Variants in PPP3CC observed in about 807,000 individuals in gnomAD.
The protein encoded by PPP3CC is protein phosphatase 3 catalytic subunit gamma.
In PPP3CC, 35 loss-of-function variants were observed where a neutral mutation model predicts 60.3. The observed-to-expected ratio is 0.58, with a 90% CI of 0.44 to 0.77. The LOEUF (loss-of-function observed/expected upper bound fraction) is 0.77. Ranked by LOEUF, PPP3CC falls within the 30% of genes least tolerant of loss-of-function variation. The pLI is 0.00. For missense variants in PPP3CC, 570 were observed against 628.9 expected (o/e 0.91, Z 1.00); for synonymous variants, 206 against 224.3 (o/e 0.92, Z 0.73).
intron 1 of PPP3CC, among the ~76,000 whole-genome samples, chr8:22,444,896 A>G (rs186897019): frequency 2.6e-5 from 4 of 152,074 alleles, no homozygotes; most frequent in Middle Eastern, 3.4e-3. Context: ...GTTTAAGGAC[A>G]TGTTTTTTCT....
chr8:22,498,257 C>A, intron 4 of PPP3CC, 145 bp downstream of exon 4: 1 of 505,168 alleles, frequency 2.0e-6, no homozygotes, highest in African/African-American at 2.0e-5. Context: ...AACTAAGATT[C>A]TATCTTCTAA....
At chr8:22,512,977 G>T (rs1282096018) in intron 5 of PPP3CC, among the ~76,000 whole-genome samples, 1 of 151,944 alleles carries the variant, frequency 6.6e-6, no homozygotes, top group East Asian at 1.9e-4. Flanking sequence ...TAGGGAGGGT[G>T]AGGCAGGAGA....
Position 22,528,466 on chromosome 8 carries a change from C to T in PPP3CC, c.1070-40C>T, listed in dbSNP as rs28764004. 2.6e-3 allele frequency: 3,551 copies of T among 1,364,632 alleles called. 51 individuals are homozygous for T. The African/African-American group carries it at 0.037, about 14-fold the overall frequency. 84.5% of individuals were successfully genotyped at this position (1,364,632 alleles called of 1,614,324 possible). A position where few individuals can be genotyped will look rare whatever the true frequency, so the allele number is the denominator to read the frequency against. On this transcript the variant is annotated intron_variant, in intron 9 of 13. Transcript: ENST00000240139. ...CCACATTATTTTAGAGAAAGTACCT[C>T]ATTAATCGCGTAAATTTTGGATTAT...
At chr8:22,529,925 A>G (rs540912843) in intron 10 of PPP3CC, among the ~76,000 whole-genome samples, 2 of 152,278 alleles carry the variant, frequency 1.3e-5, no homozygotes, top group African/African-American at 2.4e-5. Flanking sequence ...TTGTCTGACA[A>G]TGCAAGAGAT....
At chr8:22,446,920 A>G (rs1836842366) in intron 1 of PPP3CC, among the ~76,000 whole-genome samples, 1 of 151,646 alleles carries the variant, frequency 6.6e-6, no homozygotes, top group Non-Finnish European at 1.5e-5. Context: ...GCTGCTACTT[A>G]ATTGCTAAAT....
intron 10 of PPP3CC, among the ~76,000 whole-genome samples, chr8:22,530,280 C>T (rs1315082760): frequency 6.6e-6 from 1 of 152,038 alleles, no homozygotes; most frequent in African/African-American, 2.4e-5. Flanking sequence ...CATGGTGAAA[C>T]CCCATCTCTA....
At chr8:22,511,444 A>AT (rs1397357879) in intron 5 of PPP3CC, among the ~76,000 whole-genome samples, 2 of 151,862 alleles carry the variant, frequency 1.3e-5, no homozygotes, top group African/African-American at 4.8e-5. Flanking sequence ...TAATTTTTGT[A>AT]TTTTTAGTAG....
At chr8:22,533,130 AC>A (rs1400046004) in intron 12 of PPP3CC, 112 bp downstream of exon 12, 34 of 713,310 alleles carry the variant, frequency 4.8e-5, no homozygotes, top group Non-Finnish European at 6.4e-5. Context: ...AGTTGGTTAT[AC>A]CATAAGCGGG....
intron 1 of PPP3CC, among the ~76,000 whole-genome samples, chr8:22,470,343 GT>G (rs1468380792): frequency 6.6e-6 from 1 of 151,894 alleles, no homozygotes; most frequent in Non-Finnish European, 1.5e-5. Context: ...ATAAGAAAAT[GT>G]TTAAATAAAT....
intron 4 of PPP3CC, among the ~76,000 whole-genome samples, chr8:22,502,813 TG>T (rs1356363555): frequency 6.6e-6 from 1 of 152,210 alleles, no homozygotes; most frequent in Non-Finnish European, 1.5e-5. Flanking sequence ...AAATATATAA[TG>T]TACAGAAGAA....
intron 1 of PPP3CC, among the ~76,000 whole-genome samples, chr8:22,460,384 G>T (rs1424817596): frequency 2.6e-5 from 4 of 152,100 alleles, no homozygotes; most frequent in Admixed American, 1.3e-4. Flanking sequence ...TTGAGGTGGA[G>T]TCTCGCTATG....
At chr8:22,525,871 A>AC (rs1554542978) in intron 8 of PPP3CC, among the ~76,000 whole-genome samples, 1 of 141,504 alleles carries the variant, frequency 7.1e-6, no homozygotes, top group Non-Finnish European at 1.5e-5. Context: ...CTTTCATATT[A>AC]TTTTTTTTTT....
At chr8:22,498,205 T>A in intron 4 of PPP3CC, 93 bp downstream of exon 4, 1 of 702,500 alleles carries the variant, frequency 1.4e-6, no homozygotes, top group Non-Finnish European at 2.3e-6. Flanking sequence ...TAATAGAATT[T>A]AAATGCTTCC....
At position 22,448,372 on chromosome 8, in the gene PPP3CC, C is replaced by CT. The variant is rs1383454743; in HGVS notation, c.49+6922dup. ...GTGTATATATTAGACGGTATTATAC[C>CT]TTTTTTTTGTTTTTTTTTTTTTTTG... On this transcript the variant is annotated intron_variant, in intron 1 of 13. Coordinates refer to ENST00000240139, the MANE Select transcript of PPP3CC (RefSeq NM_005605.5). Among the ~76,000 whole-genome samples, 782 of 144,594 alleles carry CT rather than the reference C, an allele frequency of 5.4e-3. 4 individuals are homozygous for CT. Among genetic ancestry groups the CT allele is most frequent in the African/African-American group, 0.017 (649 of 37,314 alleles). The allele number at this position is 144,594 out of a possible 152,430, so 94.9% of individuals were successfully genotyped here. A position where few individuals can be genotyped will look rare whatever the true frequency, so the allele number is the denominator to read the frequency against.
intron 3 of PPP3CC, among the ~76,000 whole-genome samples, chr8:22,496,197 A>C (rs1838574654): frequency 6.6e-6 from 1 of 151,962 alleles, no homozygotes; most frequent in South Asian, 2.1e-4. Flanking sequence ...AAATTTTTGT[A>C]GGTACTTTTA....
intron 1 of PPP3CC, among the ~76,000 whole-genome samples, 163 bp downstream of exon 1, chr8:22,441,621 G>T (rs1169679319): frequency 6.6e-6 from 1 of 152,166 alleles, no homozygotes; most frequent in African/African-American, 2.4e-5. Flanking sequence ...CAGCCACCCG[G>T]ACCCGGCGTT....
intron 3 of PPP3CC, chr8:22,492,739 T>TA: frequency 3.9e-6 from 4 of 1,022,108 alleles, no homozygotes; most frequent in East Asian, 2.4e-5. Context: ...CAGCAGATGA[T>TA]AAAAAACTTC....
At chr8:22,470,518 C>CTTTTT (rs1837690277) in intron 1 of PPP3CC, among the ~76,000 whole-genome samples, 1 of 152,058 alleles carries the variant, frequency 6.6e-6, no homozygotes, top group Non-Finnish European at 1.5e-5. Flanking sequence ...GGCTTTACAT[C>CTTTTT]TGATAAAGGA....
At chr8:22,504,580 G>T (rs1333572580) in intron 4 of PPP3CC, among the ~76,000 whole-genome samples, 1 of 152,140 alleles carries the variant, frequency 6.6e-6, no homozygotes, top group Non-Finnish European at 1.5e-5. Context: ...TTACAGATGT[G>T]AGCTGCCATG....
Sources: allele counts gnomAD v4.1 joint callset (sites outside exome capture counted in the v4.1 genomes callset), GRCh38; gene constraint gnomAD v4.1.1; transcripts MANE v1.5; gene names NCBI Gene and HGNC (gene_info 2026-07-23, HGNC 2026-07-21).